The following TP63 variants were observed in gnomAD, a reference collection of about 807,000 sequenced individuals.
TP63 encodes tumor protein 63.
A neutral mutation model predicts 82.8 loss-of-function variants in TP63; 17 were observed. That is an observed-to-expected ratio of 0.21 (90% CI 0.14 to 0.31). The LOEUF is 0.31. Ranked by LOEUF, TP63 falls within the 10% of genes least tolerant of loss-of-function variation. The probability of loss-of-function intolerance (pLI) is 1.00; values close to 1 mark genes in which losing one functional copy is unlikely to be tolerated. For synonymous variants in TP63, 330 were observed against 321.7 expected (o/e 1.03, Z -0.28); for missense variants, 648 against 895.3 (o/e 0.72, Z 3.52).
At chr3:189,891,237 A>G (rs1720986476) in intron 13 of TP63, among the ~76,000 whole-genome samples, 1 of 152,250 alleles carries the variant, frequency 6.6e-6, no homozygotes, top group South Asian at 2.1e-4. Context: ...ATCAGTTCCC[A>G]GAAAGGATAG....
rs1486549406 is a variant in TP63 at position 189,648,720 on chromosome 3, A to G, written c.62+17143A>G. 1.4e-5 allele frequency among the ~76,000 whole-genome samples: 2 copies of G among 147,432 alleles called. 1 individual carries two copies. The highest frequency in any genetic ancestry group is 5.1e-5 in the African/African-American group (2 of 39,392). ...AGCCAGAATGTCACACTCAGAATTC[A>G]GTGTTCTTCCTAAATCTTACCATTA... On this transcript the variant is annotated intron_variant, in intron 1 of 13. Coordinates refer to ENST00000264731, the MANE Select transcript of TP63 (RefSeq NM_003722.5).
intron 1 of TP63, among the ~76,000 whole-genome samples, chr3:189,714,189 G>A (rs919827291): frequency 1.3e-5 from 2 of 152,152 alleles, no homozygotes; most frequent in African/African-American, 4.8e-5. Flanking sequence ...AAGCGTCACA[G>A]GACCCTCATA....
intron 1 of TP63, among the ~76,000 whole-genome samples, chr3:189,700,517 A>T (rs1411218441): frequency 6.6e-6 from 1 of 152,204 alleles, no homozygotes; most frequent in Non-Finnish European, 1.5e-5. Flanking sequence ...GTACATGGTA[A>T]TTTCCTAGTT....
Position 189,747,435 on chromosome 3 carries a change from A to G in TP63, c.324+8661A>G, listed in dbSNP as rs371899485. Among the ~76,000 whole-genome samples, 19 of 152,212 alleles carry G rather than the reference A, an allele frequency of 1.2e-4. 1 individual carries two copies. The South Asian group carries it at 2.9e-3, about 23-fold the overall frequency. ...ACAATGGGATAAAACTAGAAAAACAATAGCAAGAGGAACTTTGTAAATTGT... is the reference window on the plus strand; with the variant it reads ...ACAATGGGATAAAACTAGAAAAACAGTAGCAAGAGGAACTTTGTAAATTGT... On this transcript the variant is annotated intron_variant, in intron 3 of 13. Transcript: ENST00000264731.
At chr3:189,740,190 G>A (rs888701097) in intron 3 of TP63, among the ~76,000 whole-genome samples, 5 of 152,240 alleles carry the variant, frequency 3.3e-5, no homozygotes, top group Non-Finnish European at 4.4e-5. Context: ...CCAATGAAAT[G>A]AAACTATCAA....
chr3:189,636,730 T>G (rs1390329139), intron 1 of TP63, among the ~76,000 whole-genome samples: 1 of 152,154 alleles, frequency 6.6e-6, no homozygotes, highest in African/African-American at 2.4e-5. Flanking sequence ...GTAAGATAAT[T>G]ATTTGCCCAA....
At chr3:189,841,653 T>C (rs1714137956) in intron 4 of TP63, among the ~76,000 whole-genome samples, 1 of 152,162 alleles carries the variant, frequency 6.6e-6, no homozygotes, top group South Asian at 2.1e-4. Context: ...TTCATAGAAA[T>C]TGAGCTGTGA....
chr3:189,648,359 T>C (rs1712598020), intron 1 of TP63, among the ~76,000 whole-genome samples: 2 of 147,118 alleles, frequency 1.4e-5, no homozygotes, highest in African/African-American at 5.1e-5. Context: ...ATCTGTCTCT[T>C]CACTTTGGAA....
chr3:189,840,371 T>C (rs955257066), intron 4 of TP63, among the ~76,000 whole-genome samples: 11 of 146,992 alleles, frequency 7.5e-5, no homozygotes, highest in Middle Eastern at 3.5e-3. Flanking sequence ...TTTTTTTTTT[T>C]TTTTTTTTTT....
chr3:189,811,630 A>G (rs1294031343), intron 4 of TP63, among the ~76,000 whole-genome samples: 1 of 152,202 alleles, frequency 6.6e-6, no homozygotes, highest in Non-Finnish European at 1.5e-5. Flanking sequence ...TTATACACAG[A>G]CTTCCCATTT....
intron 3 of TP63, among the ~76,000 whole-genome samples, chr3:189,785,491 A>G (rs1231040744): frequency 1.3e-5 from 2 of 152,124 alleles, no homozygotes; most frequent in Non-Finnish European, 2.9e-5. Context: ...TTCATATAAA[A>G]TAAGAGAAGG....
chr3:189,765,433 C>CTGTTTTTTTTTTTTTTTTTTT (rs1722869780), intron 3 of TP63, among the ~76,000 whole-genome samples: 2 of 30,086 alleles, frequency 6.6e-5, no homozygotes, highest in Non-Finnish European at 1.2e-4. Flanking sequence ...CTGTCCTCTG[C>CTGTTTTTTTTTTTTTTTTTTT]TTTTTTTTTT....
At chr3:189,668,383 G>T (rs997359678) in intron 1 of TP63, among the ~76,000 whole-genome samples, 2 of 151,822 alleles carry the variant, frequency 1.3e-5, no homozygotes, top group African/African-American at 4.8e-5. Context: ...TCATTTCAAG[G>T]AATAAAATGA....
chr3:189,716,229 G>C (rs1718948479), intron 1 of TP63, among the ~76,000 whole-genome samples: 1 of 152,090 alleles, frequency 6.6e-6, no homozygotes. Context: ...AATTGTATTA[G>C]ATACCTCCCT....
intron 1 of TP63, among the ~76,000 whole-genome samples, chr3:189,682,142 A>G (rs1297950032): frequency 2.0e-5 from 3 of 152,162 alleles, no homozygotes; most frequent in African/African-American, 7.2e-5. Context: ...ATATTCTAAT[A>G]TATGGCAGAG....
chr3:189,792,889 A>G (rs114069192), intron 3 of TP63, among the ~76,000 whole-genome samples: 52 of 152,122 alleles, frequency 3.4e-4, no homozygotes, highest in Non-Finnish European at 5.7e-4. Context: ...TGCTTGGTCT[A>G]GGGAAAAAAA....
At position 189,691,338 on chromosome 3, in the gene TP63, C is replaced by CAAAAAA. The variant is rs781098833; in HGVS notation, c.63-46385_63-46380dup. Among the ~76,000 whole-genome samples the CAAAAAA allele has an allele frequency of 7.3e-3, 478 of 65,708 alleles. 1 individual carries two copies. The highest frequency in any genetic ancestry group is 0.025 in the Middle Eastern group (3 of 118). 43.1% of individuals were successfully genotyped at this position (65,708 alleles called of 152,430 possible). A position where few individuals can be genotyped will look rare whatever the true frequency, so the allele number is the denominator to read the frequency against. On this transcript the variant is annotated intron_variant, in intron 1 of 13. Transcript: ENST00000264731. ...TGGGTGATAGAATGAGACTCCATCTCAAAAAAAAAAAAAAAAAAAAAAGAA... is the reference window on the plus strand; with the variant it reads ...TGGGTGATAGAATGAGACTCCATCTCAAAAAAAAAAAAAAAAAAAAAAAAAAAAGAA...
chr3:189,686,887 C>T (rs551241664), intron 1 of TP63, among the ~76,000 whole-genome samples: 2 of 152,010 alleles, frequency 1.3e-5, no homozygotes, highest in East Asian at 3.9e-4. Flanking sequence ...CCTGCCACCA[C>T]GCCCAGCTAA....
intron 10 of TP63, among the ~76,000 whole-genome samples, chr3:189,883,529 G>A (rs1181489295): frequency 6.6e-6 from 1 of 152,156 alleles, no homozygotes; most frequent in Non-Finnish European, 1.5e-5. Context: ...ACATATCAGA[G>A]TGTTAAATAT....
Sources: allele counts gnomAD v4.1 joint callset (sites outside exome capture counted in the v4.1 genomes callset), GRCh38; gene constraint gnomAD v4.1.1; transcripts MANE v1.5; gene names NCBI Gene and HGNC (gene_info 2026-07-23, HGNC 2026-07-21).